NKAIN2: variants seen among roughly 807,000 people sequenced by gnomAD.
The protein encoded by NKAIN2 is sodium/potassium transporting ATPase interacting 2.
In NKAIN2, 14 loss-of-function variants were observed where a neutral mutation model predicts 32.6. The observed-to-expected ratio is 0.43, with a 90% CI of 0.28 to 0.67. The LOEUF (loss-of-function observed/expected upper bound fraction) is 0.67. Among genes scored for constraint, NKAIN2 ranks in the 30% least tolerant of loss-of-function variants. NKAIN2 has a pLI of 0.17. For synonymous variants in NKAIN2, 80 were observed against 87.2 expected (o/e 0.92, Z 0.46); for missense variants, 198 against 258.3 (o/e 0.77, Z 1.60).
At chr6:124,647,590 C>T (rs1784227511) in intron 3 of NKAIN2, among the ~76,000 whole-genome samples, 2 of 148,550 alleles carry the variant, frequency 1.3e-5, no homozygotes, top group South Asian at 4.3e-4. Context: ...ATTATAATAT[C>T]CTTTATACTC....
chr6:124,245,420 A>C (rs1008771126), intron 1 of NKAIN2, among the ~76,000 whole-genome samples: 1 of 152,104 alleles, frequency 6.6e-6, no homozygotes, highest in Non-Finnish European at 1.5e-5. Context: ...TTTGGAATCC[A>C]CAGGAGTGTT....
At chr6:124,575,589 G>A (rs751514176) in intron 3 of NKAIN2, among the ~76,000 whole-genome samples, 1 of 152,196 alleles carries the variant, frequency 6.6e-6, no homozygotes, top group Non-Finnish European at 1.5e-5. Flanking sequence ...ACATAGCTCT[G>A]CTAACCCTTA....
At chr6:124,776,565 G>T (rs1330812903) in intron 4 of NKAIN2, among the ~76,000 whole-genome samples, 1 of 152,140 alleles carries the variant, frequency 6.6e-6, no homozygotes, top group Non-Finnish European at 1.5e-5. Context: ...GAGGTGAAAG[G>T]GTAGGATGCC....
chr6:124,157,327 A>ATAG (rs1255191420), intron 1 of NKAIN2, among the ~76,000 whole-genome samples: 11 of 151,792 alleles, frequency 7.2e-5, no homozygotes, highest in African/African-American at 2.7e-4. Flanking sequence ...CTGTATACTG[A>ATAG]TAGTTTGGTT....
intron 1 of NKAIN2, among the ~76,000 whole-genome samples, chr6:124,234,385 A>T (rs1792630573): frequency 6.6e-6 from 1 of 152,294 alleles, no homozygotes; most frequent in East Asian, 1.9e-4. Context: ...ACTGTAAAAG[A>T]CCTTATTGGT....
chr6:124,810,987 C>T (rs1780880909), intron 5 of NKAIN2, among the ~76,000 whole-genome samples: 2 of 151,128 alleles, frequency 1.3e-5, no homozygotes, highest in Admixed American at 6.6e-5. Context: ...CAAGTTCACA[C>T]AGTCAGCTTG....
chr6:124,051,136 A>G (rs1405900163), intron 1 of NKAIN2, among the ~76,000 whole-genome samples: 1 of 152,036 alleles, frequency 6.6e-6, no homozygotes, highest in Non-Finnish European at 1.5e-5. Context: ...TTGTACTTGC[A>G]TTTGAACAGA....
At chr6:124,099,194 AT>A (rs1784774269) in intron 1 of NKAIN2, among the ~76,000 whole-genome samples, 1 of 152,166 alleles carries the variant, frequency 6.6e-6, no homozygotes, top group Admixed American at 6.5e-5. Context: ...GAATAAGATA[AT>A]TGGTTGATTA....
chr6:124,782,409 C>T (rs1779311636), intron 4 of NKAIN2, among the ~76,000 whole-genome samples: 1 of 151,938 alleles, frequency 6.6e-6, no homozygotes. Context: ...AGTTTTAGCC[C>T]CTTTCTTTTT....
chr6:124,080,989 G>A (rs73770346), intron 1 of NKAIN2, among the ~76,000 whole-genome samples: 2,175 of 151,962 alleles, frequency 0.014, 62 homozygotes, highest in African/African-American at 0.05. Context: ...TTGATTTCAG[G>A]GCAGTTAGTT....
chr6:124,088,169 C>CAA (rs5879715), intron 1 of NKAIN2, among the ~76,000 whole-genome samples: 2 of 151,716 alleles, frequency 1.3e-5, no homozygotes, highest in African/African-American at 4.8e-5. Flanking sequence ...GCCCTTGCTA[C>CAA]AAAAAATGGT....
intron 3 of NKAIN2, among the ~76,000 whole-genome samples, chr6:124,418,622 G>A (rs550861126): frequency 6.7e-5 from 10 of 148,994 alleles, no homozygotes; most frequent in South Asian, 2.1e-4. Context: ...TGAGCAAATC[G>A]TATACAACAA....
intron 3 of NKAIN2, among the ~76,000 whole-genome samples, chr6:124,576,236 G>A (rs546758891): frequency 6.6e-5 from 10 of 152,194 alleles, no homozygotes; most frequent in Non-Finnish European, 1.5e-4. Flanking sequence ...AAACATTTGT[G>A]TGATTGAATT....
At chr6:124,216,020 A>T (rs1791459169) in intron 1 of NKAIN2, among the ~76,000 whole-genome samples, 2 of 151,206 alleles carry the variant, frequency 1.3e-5, no homozygotes, top group South Asian at 4.2e-4. Flanking sequence ...TGGGAGGCTG[A>T]GGCAGGAGAA....
chr6:124,385,123 G>A (rs73770465), intron 3 of NKAIN2, among the ~76,000 whole-genome samples: 4,733 of 152,142 alleles, frequency 0.031, 217 homozygotes, highest in African/African-American at 0.11. Flanking sequence ...CAAAAGTCTC[G>A]CCAAGTTAAG....
At position 124,424,390 on chromosome 6, in the gene NKAIN2, G is replaced by GTGTA. The variant is rs762051415; in HGVS notation, c.273+69047_273+69050dup. Among the ~76,000 whole-genome samples, 11 of 152,282 alleles carry GTGTA rather than the reference G, an allele frequency of 7.2e-5. No individual in the cohort carries two copies. The East Asian group carries it at 9.6e-4, about 13-fold the overall frequency. ...TCATTACATAGTTACTACTGTGTGT[G>GTGTA]TGTATGTGTGTGTGTGTGATAAGTA... On this transcript the variant is annotated intron_variant, in intron 3 of 6. Transcript: ENST00000368417.
chr6:124,687,175 T>C (rs1453518317), intron 4 of NKAIN2, among the ~76,000 whole-genome samples: 1 of 147,844 alleles, frequency 6.8e-6, no homozygotes, highest in Non-Finnish European at 1.5e-5. Flanking sequence ...TCTATATATA[T>C]TCCATATACA....
At chr6:124,803,042 C>T (rs897132873) in intron 5 of NKAIN2, among the ~76,000 whole-genome samples, 3 of 152,178 alleles carry the variant, frequency 2.0e-5, no homozygotes, top group African/African-American at 4.8e-5. Flanking sequence ...AGTAACTAAA[C>T]CCGACAGCAA....
chr6:124,787,111 G>A lies in NKAIN2; in HGVS notation c.475-4228G>A, dbSNP rs1026039013. ...AAAGTGCCAAGCACCAACCTACTCC[G>A]AGAATGGATTACCAGTTCTTGGAGG... On this transcript the variant is annotated intron_variant, in intron 4 of 6. Coordinates refer to ENST00000368417, the MANE Select transcript of NKAIN2 (RefSeq NM_001040214.3). 6.6e-5 allele frequency among the ~76,000 whole-genome samples: 10 copies of A among 152,000 alleles called. No homozygotes were observed. The South Asian group carries it at 8.3e-4, about 13-fold the overall frequency.
Sources: allele counts gnomAD v4.1 joint callset (sites outside exome capture counted in the v4.1 genomes callset), GRCh38; gene constraint gnomAD v4.1.1; transcripts MANE v1.5; gene names NCBI Gene and HGNC (gene_info 2026-07-23, HGNC 2026-07-21).